The following TASP1 variants were observed in gnomAD, a reference collection of about 807,000 sequenced individuals.
TASP1 encodes the protein taspase 1.
TASP1 carries 16 observed loss-of-function variants against 56.6 expected under a neutral mutation model. The ratio of observed to expected loss-of-function variants is 0.28; its 90% CI spans 0.19 to 0.43. The LOEUF (loss-of-function observed/expected upper bound fraction) is 0.43. Ranked by LOEUF, TASP1 falls within the 20% of genes least tolerant of loss-of-function variation. TASP1 has a pLI of 1.00. For synonymous variants in TASP1, 179 were observed against 184.2 expected (o/e 0.97, Z 0.23); for missense variants, 393 against 511.6 (o/e 0.77, Z 2.24).
intron 11 of TASP1, among the ~76,000 whole-genome samples, chr20:13,465,927 TGTG>T (rs957742170): frequency 3.9e-5 from 6 of 152,142 alleles, no homozygotes; most frequent in Admixed American, 6.6e-5. Flanking sequence ...TATCATGACT[TGTG>T]GTGAATACAT....
the TASP1 span, among the ~76,000 whole-genome samples, chr20:13,175,425 T>A: frequency 6.6e-6 from 1 of 151,774 alleles, no homozygotes; most frequent in Non-Finnish European, 1.5e-5. Context: ...GTAACAGAGG[T>A]TTTTCCCTCT....
the TASP1 span, among the ~76,000 whole-genome samples, chr20:13,263,853 G>A: frequency 6.6e-6 from 1 of 152,198 alleles, no homozygotes; most frequent in South Asian, 2.1e-4. Context: ...AAGGAGAGAG[G>A]CTGTAGTGAC....
chr20:13,528,321 T>A, intron 10 of TASP1, 112 bp downstream of exon 10: 3 of 654,306 alleles, frequency 4.6e-6, no homozygotes, highest in Non-Finnish European at 7.1e-6. Context: ...CTTTCCCACA[T>A]CCATACACTG....
intron 8 of TASP1, among the ~76,000 whole-genome samples, chr20:13,543,577 G>C (rs1899308950): frequency 6.6e-6 from 1 of 152,220 alleles, no homozygotes; most frequent in African/African-American, 2.4e-5. Context: ...CTCCAGCCTG[G>C]GTGACCCAGC....
the TASP1 span, among the ~76,000 whole-genome samples, chr20:13,352,493 A>T: frequency 1.3e-5 from 2 of 151,992 alleles, no homozygotes; most frequent in Non-Finnish European, 2.9e-5. Context: ...TTTATAGCAG[A>T]TGTTGCTTGC....
the TASP1 span, among the ~76,000 whole-genome samples, chr20:13,107,450 GTGTTGAATTGTGTCAAAT>G: frequency 6.6e-6 from 1 of 152,204 alleles, no homozygotes; most frequent in Non-Finnish European, 1.5e-5. Flanking sequence ...AGATAAGTGT[GTGTTGAATTGTGTCAAAT>G]GCTGCCCACG....
chr20:13,338,276 G>C, the TASP1 span, among the ~76,000 whole-genome samples: 5 of 152,220 alleles, frequency 3.3e-5, no homozygotes, highest in Admixed American at 6.5e-5. Flanking sequence ...TTTGTAAACT[G>C]TCATGGTGCT....
At chr20:13,438,214 A>G (rs947911835) in intron 11 of TASP1, among the ~76,000 whole-genome samples, 21 of 152,186 alleles carry the variant, frequency 1.4e-4, no homozygotes, top group Non-Finnish European at 2.9e-4. Context: ...CTAAGCCAAA[A>G]GAACAAAGCT....
chr20:13,189,314 TTAAAC>T, the TASP1 span, among the ~76,000 whole-genome samples: 1 of 152,144 alleles, frequency 6.6e-6, no homozygotes, highest in Non-Finnish European at 1.5e-5. Flanking sequence ...TGGGACCTAA[TTAAAC>T]TAAAGACCTT....
At chr20:13,382,355 G>A in the TASP1 span, among the ~76,000 whole-genome samples, 1 of 152,154 alleles carries the variant, frequency 6.6e-6, no homozygotes, top group East Asian at 1.9e-4. Flanking sequence ...ATCTTCTAAA[G>A]GTTTGTTTTG....
chr20:13,409,705 CATAATATTTTACATATGT>C (rs1463046834), intron 13 of TASP1, among the ~76,000 whole-genome samples: 1 of 151,748 alleles, frequency 6.6e-6, no homozygotes, highest in Non-Finnish European at 1.5e-5. Flanking sequence ...TTTATTGACA[CATAATATTTTACATATGT>C]ATGGGATACA....
intron 11 of TASP1, among the ~76,000 whole-genome samples, chr20:13,442,382 T>A (rs1361661613): frequency 6.6e-6 from 1 of 151,896 alleles, no homozygotes; most frequent in African/African-American, 2.4e-5. Context: ...AAGAGAATGA[T>A]CCCAGCACTT....
At chr20:13,153,585 T>C in the TASP1 span, among the ~76,000 whole-genome samples, 3 of 152,048 alleles carry the variant, frequency 2.0e-5, no homozygotes, top group African/African-American at 7.2e-5. Flanking sequence ...CAATTCAGCT[T>C]AGCTAAAAAG....
At chr20:13,376,607 C>T in the TASP1 span, among the ~76,000 whole-genome samples, 5,261 of 152,008 alleles carry the variant, frequency 0.035, 136 homozygotes, top group Middle Eastern at 0.12. Context: ...TTTTCTAATT[C>T]TGTGAATAAA....
At chr20:13,344,704 C>T in the TASP1 span, among the ~76,000 whole-genome samples, 161 of 152,296 alleles carry the variant, frequency 1.1e-3, no homozygotes, top group African/African-American at 3.7e-3. Context: ...GCCAAGTTCC[C>T]CGGCATCCTT....
chr20:13,479,311 T>C, intron 11 of TASP1, among the ~76,000 whole-genome samples: 1 of 152,164 alleles, frequency 6.6e-6, no homozygotes, highest in East Asian at 1.9e-4. Flanking sequence ...GGGAAGAATA[T>C]TGTGGTTTCC....
chr20:13,633,334 T>C (rs145702152), intron 1 of TASP1, among the ~76,000 whole-genome samples: 288 of 152,284 alleles, frequency 1.9e-3, no homozygotes, highest in African/African-American at 6.1e-3. Flanking sequence ...CAAAGGAGAT[T>C]TGGATAACTA....
chr20:13,522,864 A>C (rs1262988122), intron 10 of TASP1, among the ~76,000 whole-genome samples: 1 of 152,158 alleles, frequency 6.6e-6, no homozygotes, highest in Admixed American at 6.6e-5. Context: ...AAGGAGACTA[A>C]GAAGGAGCAG....
At chr20:13,345,323 T>C in the TASP1 span, among the ~76,000 whole-genome samples, 1 of 152,252 alleles carries the variant, frequency 6.6e-6, no homozygotes, top group Non-Finnish European at 1.5e-5. Context: ...AGTTGCATTT[T>C]CTGACCTGTA....
Sources: gnomAD v4.1 joint callset for allele counts (sites outside exome capture counted in the v4.1 genomes callset) on GRCh38, gnomAD v4.1.1 for gene constraint, MANE v1.5 for transcripts, NCBI Gene and HGNC (gene_info 2026-07-23, HGNC 2026-07-21) for gene names.